The following KCNJ12 variants were observed in gnomAD, a reference collection of about 807,000 sequenced individuals.
The protein encoded by KCNJ12 is ATP-sensitive inward rectifier potassium channel 12.
Under a neutral mutation model 22.3 loss-of-function variants are expected in KCNJ12, and 2 were observed. The ratio of observed to expected loss-of-function variants is 0.09; its 90% CI spans 0.04 to 0.28. The LOEUF (loss-of-function observed/expected upper bound fraction) is 0.28. Among genes scored for constraint, KCNJ12 ranks in the 10% least tolerant of loss-of-function variants. The pLI is 1.00. For synonymous variants in KCNJ12, 117 were observed against 261.4 expected (o/e 0.45, Z 5.33); for missense variants, 155 against 633.3 (o/e 0.24, Z 8.11).
intron 1 of KCNJ12, among the ~76,000 whole-genome samples, chr17:21,407,241 C>T (rs1312917284): frequency 2.0e-5 from 3 of 152,296 alleles, no homozygotes; most frequent in Non-Finnish European, 4.4e-5. Context: ...TCCATCCATC[C>T]ACCCTTCCAT....
intron 1 of KCNJ12, among the ~76,000 whole-genome samples, chr17:21,408,074 G>A: frequency 6.6e-6 from 1 of 152,256 alleles, no homozygotes; most frequent in Non-Finnish European, 1.5e-5. Flanking sequence ...TCCAAGGTTG[G>A]CGTTGGGAAG....
At chr17:21,392,023 G>A (rs142944147) in intron 1 of KCNJ12, among the ~76,000 whole-genome samples, 1 of 152,232 alleles carries the variant, frequency 6.6e-6, no homozygotes, top group East Asian at 1.9e-4. Context: ...TAGGGCTGTG[G>A]TTGAGGTAGA....
intron 1 of KCNJ12, among the ~76,000 whole-genome samples, chr17:21,403,099 A>G (rs7217132): frequency 2.0e-5 from 3 of 152,312 alleles, no homozygotes; most frequent in East Asian, 1.9e-4. Flanking sequence ...TGGGGAAATC[A>G]TGGAAGACTT....
chr17:21,376,580 G>A lies in KCNJ12; in HGVS notation c.-512G>A, dbSNP rs1555557282. 2 of 151,796 alleles carry A rather than the reference G, an allele frequency of 1.3e-5. No homozygotes were observed. The highest frequency in any genetic ancestry group is 1.9e-4 in the East Asian group (1 of 5,140). The allele number at this position is 151,796 out of a possible 1,614,324, so 9.4% of individuals were successfully genotyped here. On this transcript the variant is annotated 5_prime_UTR_variant, in exon 1 of 3. Transcript: ENST00000583088. This position sits in a 1 kb window ranked among gnomAD's most constrained non-coding sequence, Gnocchi z 5.3. ...GCCGGGGCGTAGGGGAGCGCGCCGG[G>A]CCCTGCCCGAGATCAGATAACAGCC... is the stretch of plus-strand genomic sequence containing the variant.
intron 1 of KCNJ12, among the ~76,000 whole-genome samples, chr17:21,397,944 A>G (rs1488109032): frequency 6.6e-6 from 1 of 152,018 alleles, no homozygotes; most frequent in African/African-American, 2.4e-5. Context: ...CTTTGTGCTC[A>G]GTGGTTTGGT....
chr17:21,377,265 G>T (rs1904690666), intron 1 of KCNJ12, among the ~76,000 whole-genome samples: 1 of 152,102 alleles, frequency 6.6e-6, no homozygotes, highest in Non-Finnish European at 1.5e-5. Flanking sequence ...GGAGCGTGCG[G>T]AAGCACTCTG....
chr17:21,403,632 G>C (rs1905759758), intron 1 of KCNJ12, among the ~76,000 whole-genome samples: 1 of 152,278 alleles, frequency 6.6e-6, no homozygotes, highest in East Asian at 1.9e-4. Context: ...TTCTTGCTTG[G>C]AGTGGGGTCC....
chr17:21,380,447 C>G (rs1555557792), intron 1 of KCNJ12, among the ~76,000 whole-genome samples: 1 of 152,190 alleles, frequency 6.6e-6, no homozygotes, highest in Non-Finnish European at 1.5e-5. Context: ...TCAGAGGAGA[C>G]TCTTGGACAG....
chr17:21,393,237 G>T (rs1905253458), intron 1 of KCNJ12, among the ~76,000 whole-genome samples: 1 of 152,164 alleles, frequency 6.6e-6, no homozygotes, highest in Admixed American at 6.5e-5. Flanking sequence ...GGACGCTGAG[G>T]CTCAGAGGTG....
intron 1 of KCNJ12, among the ~76,000 whole-genome samples, chr17:21,407,625 A>G (rs1597575826): frequency 1.3e-5 from 2 of 150,068 alleles, no homozygotes; most frequent in South Asian, 2.1e-4. Flanking sequence ...TCACCCACCT[A>G]TCCCTCCATT....
At chr17:21,378,331 A>G (rs1412388430) in intron 1 of KCNJ12, among the ~76,000 whole-genome samples, 4 of 152,066 alleles carry the variant, frequency 2.6e-5, no homozygotes, top group African/African-American at 9.7e-5. Context: ...TTTGAGGGGT[A>G]CTCCCTTCTG....
At chr17:21,390,860 T>TA (rs575288520) in intron 1 of KCNJ12, among the ~76,000 whole-genome samples, 140 of 152,344 alleles carry the variant, frequency 9.2e-4, no homozygotes, top group Non-Finnish European at 1.9e-3. Flanking sequence ...AGTGAACAAT[T>TA]CAGTGGTATT....
chr17:21,406,573 A>G (rs1288078877), intron 1 of KCNJ12, among the ~76,000 whole-genome samples: 1 of 152,302 alleles, frequency 6.6e-6, no homozygotes, highest in East Asian at 1.9e-4. Context: ...AGAGGGACTG[A>G]AGGGCCACTA....
chr17:21,386,482 T>A (rs1255014794), intron 1 of KCNJ12, among the ~76,000 whole-genome samples: 1 of 152,090 alleles, frequency 6.6e-6, no homozygotes, highest in Non-Finnish European at 1.5e-5. Context: ...GCCTGGCAAA[T>A]TTTTAATTTT....
intron 1 of KCNJ12, among the ~76,000 whole-genome samples, chr17:21,403,860 C>T (rs1189983623): frequency 2.6e-5 from 4 of 152,312 alleles, no homozygotes; most frequent in African/African-American, 7.2e-5. Context: ...TGTGGCTTGC[C>T]CAAGGCCACA....
chr17:21,418,894 C>T lies in KCNJ12; in HGVS notation c.*2250C>T, dbSNP rs1345605944. On this transcript the variant is annotated 3_prime_UTR_variant, in exon 3 of 3. Transcript: ENST00000583088. ...CCAGTGAGACAGCCTTCTACTCCCCCGACCCAGAGCTGAGTCCGAGGACCC... is the reference window on the plus strand; with the variant it reads ...CCAGTGAGACAGCCTTCTACTCCCCTGACCCAGAGCTGAGTCCGAGGACCC... 16 of 166,748 alleles carry T rather than the reference C, an allele frequency of 9.6e-5. No individual in the cohort carries two copies. The highest frequency in any genetic ancestry group is 7.7e-4 in the East Asian group (4 of 5,182). The allele number at this position is 166,748 out of a possible 1,614,324, so 10.3% of individuals were successfully genotyped here.
chr17:21,396,093 C>T (rs913101355), intron 1 of KCNJ12, among the ~76,000 whole-genome samples: 47 of 152,126 alleles, frequency 3.1e-4, no homozygotes, highest in African/African-American at 9.4e-4. Flanking sequence ...CCTGGGCCCC[C>T]GGGCGCAGGC....
intron 2 of KCNJ12, among the ~76,000 whole-genome samples, chr17:21,411,611 G>T (rs1906354454): frequency 6.6e-6 from 1 of 152,312 alleles, no homozygotes; most frequent in South Asian, 2.1e-4. Flanking sequence ...GAATTGCTTT[G>T]TGACCTGGGA....
At chr17:21,401,057 T>A (rs1905594370) in intron 1 of KCNJ12, among the ~76,000 whole-genome samples, 1 of 152,294 alleles carries the variant, frequency 6.6e-6, no homozygotes, top group African/African-American at 2.4e-5. Context: ...CCCATCAAGT[T>A]CACAAAGCCC....
Sources: gnomAD v4.1 joint callset for allele counts (sites outside exome capture counted in the v4.1 genomes callset) on GRCh38, gnomAD v4.1.1 for gene constraint, Gnocchi (gnomAD v3.1) non-coding constraint, MANE v1.5 for transcripts, NCBI Gene and HGNC (gene_info 2026-07-23, HGNC 2026-07-21) for gene names.